Variants in GLIS3 observed in about 807,000 individuals in gnomAD.
GLIS3 encodes the protein zinc finger protein GLIS3.
A neutral mutation model predicts 78.6 loss-of-function variants in GLIS3; 53 were observed. The observed-to-expected ratio is 0.67, with a 90% CI of 0.54 to 0.85. The LOEUF (loss-of-function observed/expected upper bound fraction) is 0.85. GLIS3 is among the 40% of genes least tolerant of loss of function. GLIS3 has a pLI of 0.00. For synonymous variants in GLIS3, 684 were observed against 509.9 expected (o/e 1.34, Z -4.60); for missense variants, 1,703 against 1,231.1 (o/e 1.38, Z -5.74).
At chr9:4,255,807 C>A (rs940871490) in intron 2 of GLIS3, among the ~76,000 whole-genome samples, 2 of 151,850 alleles carry the variant, frequency 1.3e-5, no homozygotes, top group African/African-American at 4.8e-5. Context: ...TATAAATTTG[C>A]CCAAACTCAT....
intron 2 of GLIS3, among the ~76,000 whole-genome samples, chr9:4,157,369 A>G (rs919653089): frequency 2.0e-5 from 3 of 152,184 alleles, no homozygotes; most frequent in Non-Finnish European, 4.4e-5. Flanking sequence ...CGAGCTCTCA[A>G]CAGGGCACGA....
chr9:4,381,673 C>T, the GLIS3 span, among the ~76,000 whole-genome samples: 2 of 152,176 alleles, frequency 1.3e-5, no homozygotes, highest in Admixed American at 6.5e-5. Context: ...CTTGGTGCAT[C>T]AGTTGTCTAC....
At chr9:4,195,880 T>C (rs944931156) in intron 2 of GLIS3, among the ~76,000 whole-genome samples, 1 of 152,236 alleles carries the variant, frequency 6.6e-6, no homozygotes, top group African/African-American at 2.4e-5. Flanking sequence ...CGTGGAGAAC[T>C]TTTATGTCTA....
At chr9:4,004,847 G>A (rs1385440038) in intron 4 of GLIS3, among the ~76,000 whole-genome samples, 3 of 152,104 alleles carry the variant, frequency 2.0e-5, no homozygotes, top group African/African-American at 2.4e-5. Flanking sequence ...TTTAGAATAT[G>A]GACTTTTAAA....
At chr9:4,214,548 G>A (rs764298678) in intron 2 of GLIS3, among the ~76,000 whole-genome samples, 3 of 152,130 alleles carry the variant, frequency 2.0e-5, no homozygotes, top group African/African-American at 7.2e-5. Flanking sequence ...AAGCTCCCAC[G>A]CCAGGAGGAA....
chr9:4,069,138 C>A (rs1478132068), intron 4 of GLIS3, among the ~76,000 whole-genome samples: 1 of 152,086 alleles, frequency 6.6e-6, no homozygotes, highest in Non-Finnish European at 1.5e-5. Context: ...AATAAAAATG[C>A]CCTGTTGAAT....
intron 4 of GLIS3, among the ~76,000 whole-genome samples, chr9:4,026,125 C>T (rs1823319952): frequency 6.6e-6 from 1 of 152,120 alleles, no homozygotes; most frequent in African/African-American, 2.4e-5. Flanking sequence ...TCTACAAAGG[C>T]TTTCTTCCAA....
chr9:4,080,280 G>C (rs1828442805), intron 4 of GLIS3, among the ~76,000 whole-genome samples: 1 of 152,114 alleles, frequency 6.6e-6, no homozygotes, highest in Non-Finnish European at 1.5e-5. Context: ...ATTGTGCTAG[G>C]CACTAGAGAC....
intron 2 of GLIS3, among the ~76,000 whole-genome samples, chr9:4,223,212 C>T (rs2131338493): frequency 6.6e-6 from 1 of 152,298 alleles, no homozygotes; most frequent in South Asian, 2.1e-4. Context: ...GCCTCTTCTT[C>T]CTCTCCACCC....
At chr9:3,905,157 T>TTC (rs1554644038) in intron 6 of GLIS3, among the ~76,000 whole-genome samples, 3 of 144,370 alleles carry the variant, frequency 2.1e-5, no homozygotes, top group Non-Finnish European at 4.6e-5. Context: ...TCTTTTTTTT[T>TTC]TTTTTGCTAT....
chr9:4,178,726 T>G (rs1817016228), intron 2 of GLIS3, among the ~76,000 whole-genome samples: 2 of 152,252 alleles, frequency 1.3e-5, no homozygotes, highest in African/African-American at 4.8e-5. Flanking sequence ...GAATTTTTCC[T>G]GATGTATATA....
chr9:4,453,656 T>C, the GLIS3 span, among the ~76,000 whole-genome samples: 1 of 152,202 alleles, frequency 6.6e-6, no homozygotes, highest in Non-Finnish European at 1.5e-5. Context: ...CATCATGGAA[T>C]ACTATGCAGC....
At chr9:4,102,099 G>A (rs1478065654) in intron 4 of GLIS3, among the ~76,000 whole-genome samples, 1 of 152,088 alleles carries the variant, frequency 6.6e-6, no homozygotes, top group Non-Finnish European at 1.5e-5. Context: ...CTGCCCCAGG[G>A]TTTCTCCACC....
intron 4 of GLIS3, among the ~76,000 whole-genome samples, chr9:3,978,999 T>C (rs1349690223): frequency 1.3e-5 from 2 of 152,222 alleles, no homozygotes; most frequent in Non-Finnish European, 2.9e-5. Context: ...GTGTAGGTTG[T>C]ATGCAAATCC....
intron 2 of GLIS3, among the ~76,000 whole-genome samples, chr9:4,156,091 G>A (rs900611569): frequency 1.3e-5 from 2 of 151,502 alleles, no homozygotes; most frequent in African/African-American, 2.4e-5. Flanking sequence ...GTCCAGCAAT[G>A]GATTAAAAAA....
At chr9:4,241,642 C>A (rs917248850) in intron 2 of GLIS3, among the ~76,000 whole-genome samples, 4 of 152,036 alleles carry the variant, frequency 2.6e-5, no homozygotes, top group African/African-American at 9.7e-5. Context: ...GGGAATTTAA[C>A]ATTATACTCA....
At chr9:4,420,407 T>A in the GLIS3 span, among the ~76,000 whole-genome samples, 1 of 152,210 alleles carries the variant, frequency 6.6e-6, no homozygotes, top group Non-Finnish European at 1.5e-5. Flanking sequence ...GATAATTAGA[T>A]GATTATCTAG....
chr9:4,364,756 C>CTTTTTTTT, the GLIS3 span, among the ~76,000 whole-genome samples: 154 of 61,100 alleles, frequency 2.5e-3, 23 homozygotes, highest in East Asian at 0.012. Flanking sequence ...TCATGTATTG[C>CTTTTTTTT]TTTTTTTTTT....
the GLIS3 span, among the ~76,000 whole-genome samples, chr9:4,437,849 C>G: frequency 6.6e-6 from 1 of 152,070 alleles, no homozygotes; most frequent in South Asian, 2.1e-4. Flanking sequence ...CTCTTTCTTA[C>G]GATTTTCTTA....
Sources: allele counts gnomAD v4.1 joint callset (sites outside exome capture counted in the v4.1 genomes callset), GRCh38; gene constraint gnomAD v4.1.1; transcripts MANE v1.5; gene names NCBI Gene and HGNC (gene_info 2026-07-23, HGNC 2026-07-21).